Variants in CENPP observed in about 807,000 individuals in gnomAD.
CENPP encodes centromere protein P.
CENPP carries 24 observed loss-of-function variants against 35.6 expected under a neutral mutation model. That is an observed-to-expected ratio of 0.67 (90% CI 0.49 to 0.95). The LOEUF (loss-of-function observed/expected upper bound fraction) is 0.95. Ranked by LOEUF, CENPP falls within the 40% of genes least tolerant of loss-of-function variation. CENPP has a pLI of 0.00. For missense variants in CENPP, 332 were observed against 345.3 expected, an observed-to-expected ratio of 0.96 and a Z score of 0.31; for synonymous variants, 120 against 125.5, an observed-to-expected ratio of 0.96 and a Z score of 0.29.
rs80228292 is a variant in CENPP at position 92,513,069 on chromosome 9, G to C, written c.565-98245G>C. 7.3e-3 allele frequency among the ~76,000 whole-genome samples: 1,118 copies of C among 152,288 alleles called. 8 individuals carry two copies. The highest frequency in any genetic ancestry group is 0.026 in the South Asian group (126 of 4,830). Reference sequence around the variant, plus strand: ...CTGCACAAATGTGTTGACCTTTTCAGCTTCCCTCACCCCAGCATCTCCAGG... The same window carrying C: ...CTGCACAAATGTGTTGACCTTTTCACCTTCCCTCACCCCAGCATCTCCAGG... On this transcript the variant is annotated intron_variant, in intron 5 of 7. Coordinates refer to ENST00000375587, the MANE Select transcript of CENPP (RefSeq NM_001012267.3).
chr9:92,419,884 A>G (rs776340090), intron 5 of CENPP, among the ~76,000 whole-genome samples: 2 of 152,172 alleles, frequency 1.3e-5, no homozygotes, highest in Non-Finnish European at 2.9e-5. Context: ...CATCATTGGT[A>G]TAATTGAGAG....
intron 5 of CENPP, among the ~76,000 whole-genome samples, chr9:92,559,013 G>C (rs1250762942): frequency 1.3e-5 from 2 of 152,076 alleles, no homozygotes. Context: ...TTTCCAAGCA[G>C]AGGGCAAGAG....
intron 5 of CENPP, among the ~76,000 whole-genome samples, chr9:92,582,486 A>G (rs1850450950): frequency 6.6e-6 from 1 of 152,240 alleles, no homozygotes; most frequent in South Asian, 2.1e-4. Flanking sequence ...CCTCTTCCCA[A>G]GATAACAAGT....
At chr9:92,454,414 CT>C (rs775794642) in intron 5 of CENPP, among the ~76,000 whole-genome samples, 1 of 151,942 alleles carries the variant, frequency 6.6e-6, no homozygotes, top group Non-Finnish European at 1.5e-5. Flanking sequence ...TAGTATTTAC[CT>C]TATGATTTTA....
chr9:92,470,912 G>A (rs778364694), intron 5 of CENPP: 2 of 603,786 alleles, frequency 3.3e-6, no homozygotes, highest in Non-Finnish European at 5.6e-6. Context: ...AGTCATAACA[G>A]ATGACAAAAA....
chr9:92,459,454 G>A (rs1845013162), intron 5 of CENPP, among the ~76,000 whole-genome samples: 10 of 152,250 alleles, frequency 6.6e-5, no homozygotes, highest in Admixed American at 6.5e-4. Context: ...TGACGTCGAT[G>A]TAGAAACCAT....
At chr9:92,432,095 C>T (rs1431492745) in intron 5 of CENPP, among the ~76,000 whole-genome samples, 4 of 152,160 alleles carry the variant, frequency 2.6e-5, no homozygotes, top group East Asian at 1.9e-4. Flanking sequence ...GAAGCTGAGG[C>T]GGTTGGATCA....
At chr9:92,506,423 A>G (rs1429885692) in intron 5 of CENPP, among the ~76,000 whole-genome samples, 2 of 152,216 alleles carry the variant, frequency 1.3e-5, no homozygotes, top group African/African-American at 2.4e-5. Context: ...CAGGAGTGGT[A>G]TGATCCAGGT....
intron 5 of CENPP, chr9:92,495,683 C>T: frequency 1.1e-6 from 1 of 887,662 alleles, no homozygotes; most frequent in Non-Finnish European, 1.3e-6. Flanking sequence ...TGCCAGCTTT[C>T]CTTAATGTTA....
intron 4 of CENPP, among the ~76,000 whole-genome samples, chr9:92,348,682 G>A (rs963127342): frequency 1.2e-4 from 18 of 152,146 alleles, no homozygotes; most frequent in African/African-American, 3.4e-4. Flanking sequence ...GTGAGCCACC[G>A]CACCTGACCC....
chr9:92,597,769 A>G (rs1850817368), intron 5 of CENPP, among the ~76,000 whole-genome samples: 1 of 152,214 alleles, frequency 6.6e-6, no homozygotes, highest in African/African-American at 2.4e-5. Context: ...TTACTACATG[A>G]TTAACTTTCA....
At chr9:92,386,121 A>G (rs1842409281) in intron 5 of CENPP, 1 of 1,084,384 alleles carries the variant, frequency 9.2e-7, no homozygotes, top group Admixed American at 1.8e-5. Flanking sequence ...TTGTATGTGA[A>G]TAAGTGAGGT....
intron 5 of CENPP, among the ~76,000 whole-genome samples, chr9:92,468,351 T>C (rs976900657): frequency 2.6e-5 from 4 of 152,240 alleles, no homozygotes; most frequent in African/African-American, 9.6e-5. Context: ...GCACTCTCAG[T>C]GCTGGCTTGA....
intron 5 of CENPP, among the ~76,000 whole-genome samples, chr9:92,472,747 A>G (rs570223257): frequency 6.6e-6 from 1 of 152,336 alleles, no homozygotes; most frequent in Admixed American, 6.5e-5. Context: ...AACTTGATGA[A>G]TTAGCAAGGT....
intron 5 of CENPP, among the ~76,000 whole-genome samples, chr9:92,543,502 A>G (rs906761209): frequency 2.0e-4 from 26 of 128,400 alleles, no homozygotes; most frequent in African/African-American, 7.6e-4. Context: ...AAAAAAAAAG[A>G]TTGCATTAGC....
At chr9:92,354,537 A>G (rs1406910737) in intron 4 of CENPP, among the ~76,000 whole-genome samples, 2 of 152,186 alleles carry the variant, frequency 1.3e-5, no homozygotes, top group Non-Finnish European at 2.9e-5. Context: ...CCACTTAAAA[A>G]TGCTAAAGGA....
intron 4 of CENPP, among the ~76,000 whole-genome samples, chr9:92,354,908 C>G (rs1035385283): frequency 6.6e-6 from 1 of 152,030 alleles, no homozygotes; most frequent in Non-Finnish European, 1.5e-5. Context: ...CTCAGACCAG[C>G]AAGTTTTTAT....
chr9:92,575,674 T>G (rs569658880), intron 5 of CENPP, among the ~76,000 whole-genome samples: 1 of 152,218 alleles, frequency 6.6e-6, no homozygotes, highest in African/African-American at 2.4e-5. Flanking sequence ...TAGCTGGGCA[T>G]GATGGCGTAC....
chr9:92,536,128 A>T (rs1343161782), intron 5 of CENPP: 4 of 408,498 alleles, frequency 9.8e-6, no homozygotes, highest in African/African-American at 8.7e-5. Context: ...TTGTGCAGAA[A>T]ATCAGCCAAG....
Sources: gnomAD v4.1 joint callset for allele counts (sites outside exome capture counted in the v4.1 genomes callset) on GRCh38, gnomAD v4.1.1 for gene constraint, MANE v1.5 for transcripts, NCBI Gene and HGNC (gene_info 2026-07-23, HGNC 2026-07-21) for gene names.